TGS1: variants seen among roughly 807,000 people sequenced by gnomAD.
TGS1 encodes trimethylguanosine synthase.
In TGS1, 69 loss-of-function variants were observed where a neutral mutation model predicts 92.2. The observed-to-expected ratio is 0.75, with a 90% CI of 0.62 to 0.91. The LOEUF (loss-of-function observed/expected upper bound fraction) is 0.91. TGS1 is among the 40% of genes least tolerant of loss of function. The probability of loss-of-function intolerance (pLI) is 0.00; values close to 1 mark genes in which losing one functional copy is unlikely to be tolerated. For synonymous variants in TGS1, 345 were observed against 338.1 expected (o/e 1.02, Z -0.22); for missense variants, 1,062 against 1,001.2 (o/e 1.06, Z -0.82).
intron 12 of TGS1, among the ~76,000 whole-genome samples, chr8:55,820,897 C>T (rs1803618281): frequency 6.6e-6 from 1 of 152,120 alleles, no homozygotes; most frequent in South Asian, 2.1e-4. Flanking sequence ...TCTAAGAAAG[C>T]GGAGGGAACC....
chr8:55,820,325 T>C (rs1803599472), intron 12 of TGS1, among the ~76,000 whole-genome samples: 2 of 152,116 alleles, frequency 1.3e-5, no homozygotes, highest in South Asian at 4.1e-4. Context: ...GGCGGGCGGA[T>C]CACCTGAGGT....
intron 5 of TGS1, among the ~76,000 whole-genome samples, chr8:55,790,729 G>A (rs967313215): frequency 1.3e-5 from 2 of 152,086 alleles, no homozygotes; most frequent in African/African-American, 2.4e-5. Flanking sequence ...ATGTTGCCCA[G>A]GCTGATCTCA....
intron 2 of TGS1, among the ~76,000 whole-genome samples, chr8:55,784,248 TAAC>T (rs1227808689): frequency 6.6e-6 from 1 of 152,234 alleles, no homozygotes; most frequent in Non-Finnish European, 1.5e-5. Flanking sequence ...TACTATTAGA[TAAC>T]CATATTGGTG....
Position 55,804,907 on chromosome 8 carries a change from G to A in TGS1, c.2014G>A (p.Val672Ile), listed in dbSNP as rs150786426. ...IKLDREGWFSVTPEKIAEHIA... is the reference protein window; with the variant it reads ...IKLDREGWFSITPEKIAEHIA... Reference sequence around the variant, plus strand: ...TTCCTTTGCAGAGGGCTGGTTTTCAGTTACACCCGAGAAGATTGCTGAACA... The same window carrying A: ...TTCCTTTGCAGAGGGCTGGTTTTCAATTACACCCGAGAAGATTGCTGAACA... Residue 672 changes from valine (V) to isoleucine (I), a missense_variant, in exon 10 of 13, where the codon GTT becomes ATT. Transcript: ENST00000260129. The A allele has an allele frequency of 1.1e-5, 17 of 1,613,660 alleles. No homozygotes were observed. The African/African-American group carries it at 2.1e-4, about 20-fold the overall frequency.
intron 10 of TGS1, among the ~76,000 whole-genome samples, chr8:55,806,941 T>G (rs1812390070): frequency 6.6e-6 from 1 of 151,884 alleles, no homozygotes; most frequent in African/African-American, 2.4e-5. Context: ...TTTTTCTTTT[T>G]TTTTGAGACG....
chr8:55,796,549 A>G (rs1812056459), intron 7 of TGS1, among the ~76,000 whole-genome samples: 1 of 152,010 alleles, frequency 6.6e-6, no homozygotes, highest in Non-Finnish European at 1.5e-5. Flanking sequence ...TTAGCTGAGC[A>G]TGGTGGCGCT....
At chr8:55,821,643 G>A (rs1231518172) in intron 12 of TGS1, among the ~76,000 whole-genome samples, 1 of 152,150 alleles carries the variant, frequency 6.6e-6, no homozygotes, top group Non-Finnish European at 1.5e-5. Context: ...GGAGGCCGAG[G>A]TGGGTGGATC....
intron 10 of TGS1, among the ~76,000 whole-genome samples, chr8:55,810,077 A>G (rs1490582903): frequency 6.6e-6 from 1 of 152,248 alleles, no homozygotes; most frequent in Admixed American, 6.5e-5. Flanking sequence ...TTTCTCAAAA[A>G]TGTTAACAAA....
intron 6 of TGS1, among the ~76,000 whole-genome samples, chr8:55,793,494 A>G (rs1283738315): frequency 6.6e-6 from 1 of 152,176 alleles, no homozygotes; most frequent in Non-Finnish European, 1.5e-5. Flanking sequence ...TCTCAAAAAA[A>G]AGAGTTTGGC....
At chr8:55,809,255 A>C (rs1173422731) in intron 10 of TGS1, among the ~76,000 whole-genome samples, 1 of 152,172 alleles carries the variant, frequency 6.6e-6, no homozygotes, top group Admixed American at 6.5e-5. Context: ...AAAGTTTTGC[A>C]TATTGCTGTT....
chr8:55,785,611 C>A, intron 2 of TGS1, 108 bp from the exon 3 acceptor site: 1 of 746,126 alleles, frequency 1.3e-6, no homozygotes, highest in Non-Finnish European at 2.1e-6. Flanking sequence ...CATTTGCATA[C>A]CTTTATTTTG....
intron 7 of TGS1, 62 bp from the exon 8 acceptor site, chr8:55,798,848 ATAGG>A (rs1221046177): frequency 7.7e-6 from 10 of 1,296,742 alleles, no homozygotes; most frequent in Middle Eastern, 2.4e-4. Context: ...ACAAATTGTA[ATAGG>A]TAGGAAGATT....
At chr8:55,790,383 A>G in intron 5 of TGS1, 84 bp downstream of exon 5, 4 of 867,388 alleles carry the variant, frequency 4.6e-6, no homozygotes, top group Non-Finnish European at 5.8e-6. Flanking sequence ...AATGATTGTT[A>G]TGTTCACAAC....
rs762469531 is a variant in TGS1, at chr8:55,773,593, G to C, written c.-26G>C. 6 of 1,593,804 alleles carry C rather than the reference G, an allele frequency of 3.8e-6. No individual in the cohort carries two copies. The highest frequency in any genetic ancestry group is 5.1e-6 in the Non-Finnish European group (6 of 1,168,490). ...GGCAGGCGCGACCCGGGCTGCGTAC[G>C]TCAGAGCTGCCTCCGAAGTGGTAAA... On this transcript the variant is annotated 5_prime_UTR_variant, in exon 1 of 13. Coordinates refer to ENST00000260129, the MANE Select transcript of TGS1 (RefSeq NM_024831.8).
chr8:55,805,494 C>A (rs900811306), intron 10 of TGS1, among the ~76,000 whole-genome samples: 11 of 152,102 alleles, frequency 7.2e-5, no homozygotes, highest in African/African-American at 2.7e-4. Flanking sequence ...TTTGAGTGGG[C>A]GTGGTGATTC....
intron 11 of TGS1, among the ~76,000 whole-genome samples, chr8:55,812,190 G>C (rs1054953603): frequency 6.6e-6 from 1 of 151,992 alleles, no homozygotes; most frequent in African/African-American, 2.4e-5. Flanking sequence ...GTAATCATCT[G>C]TTTGACTCTT....
Position 55,786,881 on chromosome 8 carries a change from C to T in TGS1, c.983C>T (p.Ser328Leu). The change falls in exon 4 of 13, where the codon TCA (serine) becomes TTA (leucine). Residue 328 changes from serine to leucine, a missense_variant. By Grantham distance (145) the Ser-to-Leu change is moderately radical. Transcript: ENST00000260129. ...GGAATTAGTAACATAAAACTGAATTCAGAGGAAGTAACACAGAGCCAATTA... is the reference window on the plus strand; with the variant it reads ...GGAATTAGTAACATAAAACTGAATTTAGAGGAAGTAACACAGAGCCAATTA... Reference protein sequence around the residue: ...LDGISNIKLNSEEVTQSQLDS... With the variant: ...LDGISNIKLNLEEVTQSQLDS... The T allele has an allele frequency of 6.2e-7, 1 of 1,614,074 alleles. No individual in the cohort carries two copies. Among genetic ancestry groups the T allele is most frequent in the Non-Finnish European group, 8.5e-7 (1 of 1,179,990 alleles).
chr8:55,812,969 A>T, intron 11 of TGS1, 71 bp from the exon 12 acceptor site: 1 of 1,134,572 alleles, frequency 8.8e-7, no homozygotes, highest in Non-Finnish European at 1.3e-6. Flanking sequence ...GAGTTATGAT[A>T]AGTAAAACAC....
At chr8:55,816,437 A>G (rs565780674) in intron 12 of TGS1, among the ~76,000 whole-genome samples, 1 of 152,336 alleles carries the variant, frequency 6.6e-6, no homozygotes, top group Non-Finnish European at 1.5e-5. Context: ...GAAGAGAGGA[A>G]GTCTGCTGGT....
Sources: allele counts gnomAD v4.1 joint callset (sites outside exome capture counted in the v4.1 genomes callset), GRCh38; gene constraint gnomAD v4.1.1; transcripts MANE v1.5; gene names NCBI Gene and HGNC (gene_info 2026-07-23, HGNC 2026-07-21).